Variants in ATP8A2 observed in about 807,000 individuals in gnomAD.
The protein encoded by ATP8A2 is phospholipid-transporting ATPase IB.
In ATP8A2, 100 loss-of-function variants were observed where a neutral mutation model predicts 165.6. The observed-to-expected ratio is 0.60, with a 90% CI of 0.51 to 0.71. The LOEUF (loss-of-function observed/expected upper bound fraction) is 0.71, where lower values mean the gene tolerates loss of function less well. ATP8A2 is among the 30% of genes least tolerant of loss of function. The probability of loss-of-function intolerance (pLI) is 0.00; values close to 1 mark genes in which losing one functional copy is unlikely to be tolerated. For synonymous variants in ATP8A2, 543 were observed against 548.8 expected, an observed-to-expected ratio of 0.99 and a Z score of 0.15; for missense variants, 1,227 against 1,479.5, an observed-to-expected ratio of 0.83 and a Z score of 2.80.
chr13:25,394,714 A>C (rs1175547492), intron 1 of ATP8A2, among the ~76,000 whole-genome samples: 1 of 152,214 alleles, frequency 6.6e-6, no homozygotes, highest in Non-Finnish European at 1.5e-5. Context: ...GAAAGGAAAA[A>C]AAAAGGCTTA....
chr13:25,999,896 G>A (rs1199656572), intron 35 of ATP8A2, among the ~76,000 whole-genome samples: 1 of 152,142 alleles, frequency 6.6e-6, no homozygotes, highest in Admixed American at 6.5e-5. Context: ...TCTTATTGAA[G>A]TTTTAGGCTG....
At chr13:25,429,883 G>C (rs961917053) in intron 1 of ATP8A2, among the ~76,000 whole-genome samples, 3 of 152,146 alleles carry the variant, frequency 2.0e-5, no homozygotes, top group Admixed American at 1.3e-4. Flanking sequence ...GAGTCAGCAG[G>C]GTGCAGTGGT....
intron 33 of ATP8A2, among the ~76,000 whole-genome samples, chr13:25,911,961 G>C (rs1954118954): frequency 6.6e-6 from 1 of 152,126 alleles, no homozygotes; most frequent in Non-Finnish European, 1.5e-5. Context: ...CTATATGGAG[G>C]TTCCTTAAAA....
In ATP8A2 at chr13:25,549,443, C is replaced by CG. The variant is rs2038751858; in HGVS notation, c.892-1893dup. On this transcript the variant is annotated intron_variant, in intron 10 of 36. Transcript: ENST00000381655. ...CCACTGCACTCCAGCCTGGGCAACACGGTGAGACTCTGTCTCAAAAAAAAA... is the reference window on the plus strand; with the variant it reads ...CCACTGCACTCCAGCCTGGGCAACACGGGTGAGACTCTGTCTCAAAAAAAAA... 3.5e-5 allele frequency among the ~76,000 whole-genome samples: 5 copies of CG among 142,600 alleles called. No homozygotes were observed. In the South Asian group the frequency reaches 1.1e-3, roughly 32 times the overall value. 93.6% of individuals were successfully genotyped at this position (142,600 alleles called of 152,430 possible).
At chr13:25,766,451 GTGGTGAT>G (rs1447543101) in intron 25 of ATP8A2, among the ~76,000 whole-genome samples, 5 of 152,128 alleles carry the variant, frequency 3.3e-5, no homozygotes, top group Non-Finnish European at 7.4e-5. Flanking sequence ...ACAATGGCAT[GTGGTGAT>G]GTACCTGTTT....
At position 25,530,099 on chromosome 13, in the gene ATP8A2, G is replaced by T; in HGVS notation, c.321+1G>T. ...CTTTCTCTTCATTGCCTTATTACAG[G>T]TAATGGTTTTTTAACAGTTCCTTGG... On this transcript the variant is annotated splice_donor_variant, in intron 3 of 36. Coordinates refer to ENST00000381655, the MANE Select transcript of ATP8A2 (RefSeq NM_016529.6). LOFTEE classifies it high-confidence loss of function. The T allele has an allele frequency of 6.3e-7, 1 of 1,576,592 alleles. No homozygotes were observed. The highest frequency in any genetic ancestry group is 8.7e-7 in the Non-Finnish European group (1 of 1,149,186).
chr13:25,700,418 C>G (rs761206834), intron 25 of ATP8A2, among the ~76,000 whole-genome samples: 1 of 152,094 alleles, frequency 6.6e-6, no homozygotes, highest in Non-Finnish European at 1.5e-5. Flanking sequence ...TCAGTTAATC[C>G]CATCTTCCTG....
intron 33 of ATP8A2, among the ~76,000 whole-genome samples, chr13:25,907,117 C>A (rs553910845): frequency 2.6e-4 from 39 of 152,294 alleles, no homozygotes; most frequent in African/African-American, 9.4e-4. Flanking sequence ...GTAGTCCCAG[C>A]TACTCCGGAG....
chr13:25,671,856 A>G (rs371095923), intron 24 of ATP8A2, among the ~76,000 whole-genome samples: 2 of 152,210 alleles, frequency 1.3e-5, no homozygotes, highest in South Asian at 4.2e-4. Context: ...ACCCACACCT[A>G]TTCACACACT....
chr13:25,474,627 G>A (rs1396901502), intron 2 of ATP8A2, among the ~76,000 whole-genome samples: 2 of 151,614 alleles, frequency 1.3e-5, no homozygotes, highest in Non-Finnish European at 2.9e-5. Context: ...CTGTATGCTA[G>A]GTTGGTACAG....
chr13:25,889,272 AT>A (rs1953275836), intron 33 of ATP8A2, among the ~76,000 whole-genome samples: 1 of 146,274 alleles, frequency 6.8e-6, no homozygotes, highest in Non-Finnish European at 1.5e-5. Flanking sequence ...ATATATATAT[AT>A]AAAATTTAAA....
intron 35 of ATP8A2, among the ~76,000 whole-genome samples, chr13:26,003,162 T>A (rs1391464062): frequency 6.6e-6 from 1 of 152,046 alleles, no homozygotes; most frequent in Non-Finnish European, 1.5e-5. Flanking sequence ...CAGGGGTTCC[T>A]TTTTCTCTGC....
At chr13:25,647,444 G>A (rs12862469) in intron 24 of ATP8A2, among the ~76,000 whole-genome samples, 50,839 of 151,934 alleles carry the variant, frequency 0.33, 10,023 homozygotes, top group Middle Eastern at 0.49. Flanking sequence ...CTGGATTTCT[G>A]CTAATAAATT....
chr13:25,925,801 C>T (rs1954588837), intron 33 of ATP8A2, among the ~76,000 whole-genome samples: 1 of 150,682 alleles, frequency 6.6e-6, no homozygotes, highest in Admixed American at 6.6e-5. Context: ...GATCTCGGCT[C>T]ACTGCAACCT....
intron 24 of ATP8A2, among the ~76,000 whole-genome samples, chr13:25,646,835 T>C (rs1162186777): frequency 6.6e-6 from 1 of 152,150 alleles, no homozygotes; most frequent in Non-Finnish European, 1.5e-5. Flanking sequence ...CAGCCTTCCT[T>C]TGTGGTTTGA....
intron 27 of ATP8A2, among the ~76,000 whole-genome samples, chr13:25,777,932 A>G (rs2044778563): frequency 6.6e-6 from 1 of 152,146 alleles, no homozygotes; most frequent in African/African-American, 2.4e-5. Context: ...ATCTGTCCTG[A>G]CCTTTTTCTC....
intron 10 of ATP8A2, among the ~76,000 whole-genome samples, chr13:25,550,162 C>T (rs982908212): frequency 2.6e-5 from 4 of 152,062 alleles, no homozygotes; most frequent in East Asian, 1.9e-4. Flanking sequence ...AAAAATTAGT[C>T]GGGCGTGATG....
chr13:25,861,675 G>A (rs910913373), intron 32 of ATP8A2, among the ~76,000 whole-genome samples: 6 of 152,252 alleles, frequency 3.9e-5, no homozygotes, highest in Admixed American at 3.3e-4. Flanking sequence ...AGAAGTGGTC[G>A]GAGTCTGGAT....
intron 1 of ATP8A2, among the ~76,000 whole-genome samples, chr13:25,376,484 A>G (rs1026488763): frequency 6.6e-6 from 1 of 152,232 alleles, no homozygotes; most frequent in African/African-American, 2.4e-5. Context: ...AGAGAATTGA[A>G]TTCAGGTTTT....
Sources: allele counts gnomAD v4.1 joint callset (sites outside exome capture counted in the v4.1 genomes callset), GRCh38; gene constraint gnomAD v4.1.1; transcripts MANE v1.5; gene names NCBI Gene and HGNC (gene_info 2026-07-23, HGNC 2026-07-21).